The following ANKS6 variants were observed in gnomAD, a reference collection of about 807,000 sequenced individuals.
ANKS6 encodes the protein ankyrin repeat and sterile alpha motif domain containing 6.
Under a neutral mutation model 77.9 loss-of-function variants are expected in ANKS6, and 47 were observed. That is an observed-to-expected ratio of 0.60 (90% confidence interval 0.48 to 0.77). The LOEUF is 0.77. Ranked by LOEUF, ANKS6 falls within the 30% of genes least tolerant of loss-of-function variation. The pLI is 0.00. For missense variants in ANKS6, 1,150 were observed against 1,159.1 expected, an observed-to-expected ratio of 0.99 and a Z score of 0.11; for synonymous variants, 488 against 501.7, an observed-to-expected ratio of 0.97 and a Z score of 0.37.
intron 8 of ANKS6, among the ~76,000 whole-genome samples, chr9:98,775,582 C>A (rs1253925023): frequency 6.6e-6 from 1 of 152,076 alleles, no homozygotes; most frequent in African/African-American, 2.4e-5. Flanking sequence ...ATGCAAAGTG[C>A]GATGAATAGT....
intron 6 of ANKS6, among the ~76,000 whole-genome samples, chr9:98,778,852 G>A (rs1332812506): frequency 6.6e-6 from 1 of 152,228 alleles, no homozygotes; most frequent in South Asian, 2.1e-4. Flanking sequence ...TGGTGATAAC[G>A]TGAGAGGCAT....
At chr9:98,769,050 C>T (rs568106988) in intron 10 of ANKS6, among the ~76,000 whole-genome samples, 2 of 73,830 alleles carry the variant, frequency 2.7e-5, no homozygotes, top group South Asian at 6.8e-4. Flanking sequence ...TCGCTTGAAC[C>T]CAGAAGGGGG....
At chr9:98,783,864 T>A (rs1834411416) in intron 4 of ANKS6, 89 bp downstream of exon 4, 1 of 1,172,466 alleles carries the variant, frequency 8.5e-7, no homozygotes, top group African/African-American at 1.6e-5. Context: ...ATGCAGCATC[T>A]CAGGACCAGA....
At chr9:98,736,772 C>CG in intron 14 of ANKS6, 149 bp from the exon 15 acceptor site, 1 of 1,031,548 alleles carries the variant, frequency 9.7e-7, no homozygotes, top group Non-Finnish European at 1.4e-6. Context: ...GAAAGAGTAC[C>CG]GAGTTCAATA....
chr9:98,735,046 T>A lies in ANKS6; in HGVS notation c.*1473A>T, dbSNP rs1159397089. 1 of 985,198 alleles carries A rather than the reference T, an allele frequency of 1.0e-6. No homozygotes were observed. The highest frequency in any genetic ancestry group is 1.7e-5 in the African/African-American group (1 of 57,186). 61.0% of individuals were successfully genotyped at this position (985,198 alleles called of 1,614,324 possible). On this transcript the variant is annotated 3_prime_UTR_variant, in exon 15 of 15. Coordinates refer to ENST00000353234, the MANE Select transcript of ANKS6 (RefSeq NM_173551.5). ...CTTTCATGGCTGGGGGAGGGACAGA[T>A]GAGAGATGGCACCTCCCAAGGAGAC...
chr9:98,745,637 G>A lies in ANKS6; in HGVS notation c.2433C>T (p.Asp811=), dbSNP rs777203569. 2.5e-6 allele frequency: 4 copies of A among 1,614,172 alleles called. No homozygotes were observed. The highest frequency in any genetic ancestry group is 1.6e-4 in the Middle Eastern group (1 of 6,062). Residue 811 remains aspartate (D), a synonymous_variant, in exon 14 of 15, where the codon GAC becomes GAT. Transcript: ENST00000353234. ...CTGTCTTAATTCCCAGCTCCTTCAA[G>A]TCACCGTCAGTCAGTGTGAGGAACG... The part of the protein sequence containing the change: ...MEAFLTLTDG[D]LKELGIKTDG...
intron 9 of ANKS6, among the ~76,000 whole-genome samples, chr9:98,773,243 G>A (rs188634290): frequency 9.7e-4 from 148 of 152,290 alleles, no homozygotes; most frequent in Middle Eastern, 3.4e-3. Flanking sequence ...CAGCCCCATC[G>A]TATAGAGATA....
In ANKS6 at chr9:98,736,344, T is replaced by C. The variant is rs1040385975; in HGVS notation, c.*175A>G. On this transcript the variant is annotated 3_prime_UTR_variant, in exon 15 of 15. Transcript: ENST00000353234. ...GGAATCTGTCTCTGTGTGTTGAAGT[T>C]TGTTGCAGCAAGAAGTACTACCAAT... 5.4e-5 allele frequency: 77 copies of C among 1,423,166 alleles called. No homozygotes were observed. The highest frequency in any genetic ancestry group is 6.4e-5 in the Non-Finnish European group (70 of 1,092,828). The allele number at this position is 1,423,166 out of a possible 1,614,324, so 88.2% of individuals were successfully genotyped here.
Position 98,778,322 on chromosome 9 carries a change from G to A in ANKS6, c.1471C>T (p.Pro491Ser). ...ATTGTGGAGTCCAGAGCTGGCTCAG[G>A]CTCGTCAGAGAAAGGCAAAGGCTGG... ...SNQPLPFSDE[P>S]EPALDSTMRA... is the part of the protein sequence containing the mutation. Residue 491 changes from proline to serine, a missense_variant, in exon 7 of 15, where the codon CCT becomes TCT. Transcript: ENST00000353234. 2 of 1,614,202 alleles carry A rather than the reference G, an allele frequency of 1.2e-6. No homozygotes were observed. The highest frequency in any genetic ancestry group is 2.2e-5 in the East Asian group (1 of 44,882).
At chr9:98,753,827 A>G (rs1233662967) in intron 12 of ANKS6, among the ~76,000 whole-genome samples, 3 of 152,218 alleles carry the variant, frequency 2.0e-5, no homozygotes, top group Non-Finnish European at 4.4e-5. Context: ...AATAAAATAT[A>G]CAAAAATGAG....
At chr9:98,781,020 C>A (rs1250175282) in intron 5 of ANKS6, among the ~76,000 whole-genome samples, 1 of 151,898 alleles carries the variant, frequency 6.6e-6, no homozygotes, top group Non-Finnish European at 1.5e-5. Context: ...TTTGCCTCAG[C>A]CTCCCATGTA....
At chr9:98,755,471 C>A (rs564605297) in intron 12 of ANKS6, among the ~76,000 whole-genome samples, 1 of 152,272 alleles carries the variant, frequency 6.6e-6, no homozygotes, top group South Asian at 2.1e-4. Context: ...ACTGCAAAGC[C>A]TCTGCTCCTG....
chr9:98,780,631 A>G (rs1834194956), intron 5 of ANKS6, among the ~76,000 whole-genome samples: 1 of 152,232 alleles, frequency 6.6e-6, no homozygotes, highest in African/African-American at 2.4e-5. Flanking sequence ...AGAGGTTCAG[A>G]TTCTGCTTCT....
rs561935344 is a variant in ANKS6, at chr9:98,734,782, G to A, written c.*1737C>T. ...GTAAAGCTGCCAGCACATAGTAGGG[G>A]ATGAATGAGTGTGTCTCCTTAAAAA... On this transcript the variant is annotated 3_prime_UTR_variant, in exon 15 of 15. Transcript: ENST00000353234. The A allele has an allele frequency of 5.3e-5, 52 of 984,814 alleles. 1 individual carries two copies. The South Asian group carries it at 1.9e-3, about 36-fold the overall frequency. 61.0% of individuals were successfully genotyped at this position (984,814 alleles called of 1,614,324 possible). A position where few individuals can be genotyped will look rare whatever the true frequency, so the allele number is the denominator to read the frequency against.
At chr9:98,758,048 T>C (rs936095452) in intron 11 of ANKS6, among the ~76,000 whole-genome samples, 5 of 152,250 alleles carry the variant, frequency 3.3e-5, no homozygotes, top group African/African-American at 1.2e-4. Context: ...TGAGTCTCAC[T>C]GAGGCAAGTG....
Position 98,768,118 on chromosome 9 carries a change from G to A in ANKS6, c.2105C>T (p.Pro702Leu), listed in dbSNP as rs760387934. 4.3e-6 allele frequency: 7 copies of A among 1,612,648 alleles called. No homozygotes were observed. In the Admixed American group the frequency reaches 1.0e-4, roughly 23 times the overall value. Reference sequence around the variant, plus strand: ...AGCGCTGCCACCTGCAGGGGAGGCTGGAAGCTCAGACGGGCTGGACCCCGG... The same window carrying A: ...AGCGCTGCCACCTGCAGGGGAGGCTAGAAGCTCAGACGGGCTGGACCCCGG... ...PAPGSSPSEL[P>L]ASPAGGSAPV... is the part of the protein sequence containing the mutation. Residue 702 changes from proline to leucine, a missense_variant, in exon 11 of 15, where the codon CCA (proline) becomes CTA (leucine). By Grantham distance (98) the Pro-to-Leu change is moderately conservative. Coordinates refer to ENST00000353234, the MANE Select transcript of ANKS6 (RefSeq NM_173551.5).
chr9:98,785,005 T>C (rs1205255708), intron 2 of ANKS6, 129 bp from the exon 3 acceptor site: 3 of 762,916 alleles, frequency 3.9e-6, no homozygotes, highest in Non-Finnish European at 6.5e-6. Flanking sequence ...ATTGGAGACC[T>C]ACGTAATGGA....
intron 1 of ANKS6, among the ~76,000 whole-genome samples, chr9:98,793,763 G>C (rs923318133): frequency 3.3e-5 from 5 of 151,448 alleles, no homozygotes; most frequent in African/African-American, 1.2e-4. Flanking sequence ...TCGATCTCCT[G>C]ACCTCCTGAT....
intron 14 of ANKS6, among the ~76,000 whole-genome samples, chr9:98,741,727 A>T (rs1235988034): frequency 6.6e-6 from 1 of 152,210 alleles, no homozygotes; most frequent in Non-Finnish European, 1.5e-5. Flanking sequence ...TACAATTCCA[A>T]TACTGGGGTG....
Sources: gnomAD v4.1 joint callset for allele counts (sites outside exome capture counted in the v4.1 genomes callset) on GRCh38, gnomAD v4.1.1 for gene constraint, MANE v1.5 for transcripts, NCBI Gene and HGNC (gene_info 2026-07-23, HGNC 2026-07-21) for gene names.